The following SPTB variants were observed in gnomAD, a reference collection of about 807,000 sequenced individuals.
SPTB encodes spectrin beta, erythrocytic.
SPTB carries 45 observed loss-of-function variants against 256.2 expected under a neutral mutation model. The ratio of observed to expected loss-of-function variants is 0.18; its 90% CI spans 0.14 to 0.23. The LOEUF is 0.23. SPTB is among the 10% of genes least tolerant of loss of function. The pLI is 1.00. For synonymous variants in SPTB, 1,231 were observed against 1,243.1 expected, an observed-to-expected ratio of 0.99 and a Z score of 0.21; for missense variants, 2,715 against 3,040.4, an observed-to-expected ratio of 0.89 and a Z score of 2.52.
chr14:64,836,087 T>C (rs988285101), intron 1 of SPTB, among the ~76,000 whole-genome samples: 2 of 152,198 alleles, frequency 1.3e-5, no homozygotes, highest in Non-Finnish European at 2.9e-5. Flanking sequence ...TGAGGTCGAA[T>C]GAGCAGAAAT....
In SPTB at chr14:64,787,102, G is replaced by T; in HGVS notation, c.2863C>A (p.Arg955=). 6.2e-7 allele frequency: 1 copy of T among 1,609,280 alleles called. No individual in the cohort carries two copies. The highest frequency in any genetic ancestry group is 8.5e-7 in the Non-Finnish European group (1 of 1,179,948). The part of the protein sequence containing the change: ...ERREAVDSAL[R]VHNYCVDCEE... ...CAATCTACGCAGTAGTTGTGCACTCGGAGGGCTGAGTCCACAGCCTCCCGC... is the reference window on the plus strand; with the variant it reads ...CAATCTACGCAGTAGTTGTGCACTCTGAGGGCTGAGTCCACAGCCTCCCGC... The change falls in exon 16 of 36, where the codon CGA becomes AGA. Residue 955 remains arginine, a synonymous_variant. Coordinates refer to ENST00000644917, the MANE Select transcript of SPTB (RefSeq NM_001355436.2).
At position 64,802,931 on chromosome 14, in the gene SPTB, T is replaced by C. The variant is rs942836840; in HGVS notation, c.475-614A>G. 6.6e-6 allele frequency among the ~76,000 whole-genome samples: 1 copy of C among 152,222 alleles called. No individual in the cohort carries two copies. The highest frequency in any genetic ancestry group is 1.5e-5 in the Non-Finnish European group (1 of 68,032). On this transcript the variant is annotated intron_variant, in intron 4 of 35. Transcript: ENST00000644917. The surrounding 1 kb of genome is among the most constrained non-coding windows in gnomAD (Gnocchi z 5.1). ...ACAACATGAATGCTGATGAGTACTA[T>C]ACTTTCATTAGCAGCTCCTCTTGCC...
In SPTB at chr14:64,845,547, C is replaced by T. The variant is rs1174115149; in HGVS notation, c.-51-22402G>A. On this transcript the variant is annotated intron_variant, in intron 1 of 35. Transcript: ENST00000644917. The surrounding 1 kb of genome is among the most constrained non-coding windows in gnomAD (Gnocchi z 4.8). ...TCCCACAAATATCTTCTGAGCACTGCGTTGAACTCTCAAACTTAAAGTTTT... is the reference window on the plus strand; with the variant it reads ...TCCCACAAATATCTTCTGAGCACTGTGTTGAACTCTCAAACTTAAAGTTTT... Among the ~76,000 whole-genome samples the T allele has an allele frequency of 1.3e-5, 2 of 152,310 alleles. No homozygotes were observed. Among genetic ancestry groups the T allele is most frequent in the South Asian group, 2.1e-4 (1 of 4,826 alleles).
rs181507308 is a variant in SPTB at position 64,868,543 on chromosome 14, A to G, written c.-52+11249T>C. On this transcript the variant is annotated intron_variant, in intron 1 of 35. Transcript: ENST00000644917. Reference sequence around the variant, plus strand: ...GATCTGGGACTGAGGAGGAGGTCAGACTAGAGATAAAGATTCAGACCTATT... The same window carrying G: ...GATCTGGGACTGAGGAGGAGGTCAGGCTAGAGATAAAGATTCAGACCTATT... Among the ~76,000 whole-genome samples, 27 of 152,336 alleles carry G rather than the reference A, an allele frequency of 1.8e-4. No individual in the cohort carries two copies. In the South Asian group the frequency reaches 2.5e-3, roughly 14 times the overall value.
rs1047790669 is a variant in SPTB, at chr14:64,764,224, A to G, written c.6345+2502T>C. 1.9e-4 allele frequency among the ~76,000 whole-genome samples: 29 copies of G among 152,244 alleles called. No homozygotes were observed. Among genetic ancestry groups the G allele is most frequent in the African/African-American group, 6.3e-4 (26 of 41,464 alleles). On this transcript the variant is annotated intron_variant, in intron 32 of 35. Transcript: ENST00000644917. The surrounding 1 kb of genome is among the most constrained non-coding windows in gnomAD (Gnocchi z 4.2). ...TCCAGGCAGGCTGGAAGGACCAGCCACTGGGCTTGCAAGGAGCCTTCTAGA... is the reference window on the plus strand; with the variant it reads ...TCCAGGCAGGCTGGAAGGACCAGCCGCTGGGCTTGCAAGGAGCCTTCTAGA...
At chr14:64,878,366 T>A (rs1019658865) in intron 1 of SPTB, among the ~76,000 whole-genome samples, 3 of 152,146 alleles carry the variant, frequency 2.0e-5, no homozygotes, top group African/African-American at 7.2e-5. Context: ...TGCTGGACAT[T>A]CAGCATACAT....
At chr14:64,771,921 G>A (rs996648512) in intron 26 of SPTB, among the ~76,000 whole-genome samples, 3 of 152,178 alleles carry the variant, frequency 2.0e-5, no homozygotes, top group African/African-American at 7.2e-5. Context: ...CTGGAAGCTG[G>A]GGGAGCCCTC....
rs551847204 is a variant in SPTB, at chr14:64,875,035, T to C, written c.-52+4757A>G. ...TTTTGCCCCCACTGCTCACATGATA[T>C]ATGCTGAGTTTTAATTGCCCTTGTA... On this transcript the variant is annotated intron_variant, in intron 1 of 35. Coordinates refer to ENST00000644917, the MANE Select transcript of SPTB (RefSeq NM_001355436.2). 3.9e-5 allele frequency among the ~76,000 whole-genome samples: 6 copies of C among 152,282 alleles called. No homozygotes were observed. The South Asian group carries it at 6.2e-4, about 16-fold the overall frequency.
chr14:64,804,827 G>C, intron 3 of SPTB, 112 bp downstream of exon 3: 1 of 1,377,756 alleles, frequency 7.3e-7, no homozygotes. Flanking sequence ...GCCTCCCAAA[G>C]GAGCAGAGAG....
intron 2 of SPTB, among the ~76,000 whole-genome samples, chr14:64,815,524 T>C (rs2083174682): frequency 6.6e-6 from 1 of 152,154 alleles, no homozygotes; most frequent in African/African-American, 2.4e-5. Flanking sequence ...CAAAAGCACC[T>C]AGAACACGAA....
chr14:64,823,059 G>T lies in SPTB; in HGVS notation c.36C>A (p.Asn12Lys). The T allele has an allele frequency of 3.1e-6, 5 of 1,614,158 alleles. No homozygotes were observed. The highest frequency in any genetic ancestry group is 4.2e-6 in the Non-Finnish European group (5 of 1,180,046). Residue 12 changes from asparagine to lysine, a missense_variant, in exon 2 of 36, where the codon AAC becomes AAA. Physicochemically the swap from Asn to Lys is moderately conservative, Grantham distance 94 (BLOSUM62 0). Transcript: ENST00000644917. The surrounding 1 kb of genome is among the most constrained non-coding windows in gnomAD (Gnocchi z 6.5). ...CATTGATCCTGCTGTAAGGTGGCTG[G>T]TTGCCCACATTTTCAAACTCTGTGG... ...TSATEFENVG[N>K]QPPYSRINAR...
chr14:64,835,160 G>A (rs971696959), intron 1 of SPTB, among the ~76,000 whole-genome samples: 3 of 152,192 alleles, frequency 2.0e-5, no homozygotes, highest in African/African-American at 7.2e-5. Context: ...ACTCAGTGGG[G>A]CTGTCCTCTG....
intron 2 of SPTB, among the ~76,000 whole-genome samples, chr14:64,810,004 A>G (rs573783586): frequency 1.3e-5 from 2 of 152,332 alleles, no homozygotes; most frequent in East Asian, 3.9e-4. Flanking sequence ...GGGAAAAAAG[A>G]CAAATGATTA....
chr14:64,763,910 G>A (rs2082129664), intron 32 of SPTB: 1 of 517,932 alleles, frequency 1.9e-6, no homozygotes, highest in South Asian at 1.4e-5. Context: ...CACACGTGGG[G>A]AAGGGGAGGA....
chr14:64,766,172 A>ATG (rs966662193), intron 32 of SPTB, among the ~76,000 whole-genome samples: 2 of 125,432 alleles, frequency 1.6e-5, no homozygotes, highest in South Asian at 2.7e-4. Context: ...GTGTATGTGT[A>ATG]TGTGTGTGTG....
Position 64,746,891 on chromosome 14 carries a change from A to AG in SPTB, c.*2414dup, listed in dbSNP as rs1245227212. On this transcript the variant is annotated 3_prime_UTR_variant, in exon 36 of 36. Coordinates refer to ENST00000644917, the MANE Select transcript of SPTB (RefSeq NM_001355436.2). This position sits in a 1 kb window ranked among gnomAD's most constrained non-coding sequence, Gnocchi z 4.9. ...AAAGACTGTAGAGTAGAATAAGGAG[A>AG]GAAAAAAAAAAAAAGACCTTGCTAG... 6 of 151,578 alleles carry AG rather than the reference A, an allele frequency of 4.0e-5. No homozygotes were observed. The highest frequency in any genetic ancestry group is 1.9e-4 in the East Asian group (1 of 5,138). 9.4% of individuals were successfully genotyped at this position (151,578 alleles called of 1,614,324 possible).
At chr14:64,791,111 G>A (rs2082662028) in intron 15 of SPTB, among the ~76,000 whole-genome samples, 1 of 152,114 alleles carries the variant, frequency 6.6e-6, no homozygotes, top group African/African-American at 2.4e-5. Flanking sequence ...GGCACACTTG[G>A]GATGTGCCCT....
chr14:64,761,175 C>T (rs924288307), intron 32 of SPTB, among the ~76,000 whole-genome samples: 2 of 152,180 alleles, frequency 1.3e-5, no homozygotes, highest in Non-Finnish European at 2.9e-5. Context: ...GTGTTGCCCT[C>T]GCCCGGTGTC....
At chr14:64,803,847 G>T in intron 3 of SPTB, 67 bp from the exon 4 acceptor site, 1 of 1,521,294 alleles carries the variant, frequency 6.6e-7, no homozygotes, top group South Asian at 1.2e-5. Flanking sequence ...GCTGCAGCGT[G>T]GACCAGCTCC....
Sources: allele counts gnomAD v4.1 joint callset (sites outside exome capture counted in the v4.1 genomes callset), GRCh38; gene constraint gnomAD v4.1.1; non-coding constraint Gnocchi (gnomAD v3.1); transcripts MANE v1.5; gene names NCBI Gene and HGNC (gene_info 2026-07-23, HGNC 2026-07-21).